ANKRD44: variants seen among roughly 807,000 people sequenced by gnomAD.
ANKRD44 encodes ankyrin repeat domain 44.
A neutral mutation model predicts 116.0 loss-of-function variants in ANKRD44; 35 were observed. That is an observed-to-expected ratio of 0.30 (90% confidence interval 0.23 to 0.40). The LOEUF is 0.40. ANKRD44 is among the 10% of genes least tolerant of loss of function. ANKRD44 has a pLI of 1.00. For synonymous variants in ANKRD44, 435 were observed against 461.8 expected (o/e 0.94, Z 0.74); for missense variants, 1,014 against 1,242.6 (o/e 0.82, Z 2.77).
intron 1 of ANKRD44, among the ~76,000 whole-genome samples, chr2:197,278,018 C>T (rs1019490744): frequency 1.6e-4 from 24 of 152,140 alleles, no homozygotes; most frequent in Admixed American, 1.4e-3. Context: ...CTAGTAACAG[C>T]GTAAAGCAGT....
chr2:196,989,947 A>G, intron 27 of ANKRD44: 1 of 1,065,562 alleles, frequency 9.4e-7, no homozygotes, highest in South Asian at 3.4e-5. Flanking sequence ...GTTTTGGTGC[A>G]ATATAATTTT....
intron 2 of ANKRD44, among the ~76,000 whole-genome samples, chr2:197,176,408 A>G (rs769007169): frequency 6.6e-6 from 1 of 152,162 alleles, no homozygotes; most frequent in South Asian, 2.1e-4. Flanking sequence ...TGATGCCCAC[A>G]TTATAGAACT....
chr2:197,204,998 C>T (rs1024667189), intron 1 of ANKRD44, among the ~76,000 whole-genome samples: 17 of 152,238 alleles, frequency 1.1e-4, no homozygotes, highest in African/African-American at 4.1e-4. Context: ...CAAAATGCAG[C>T]GAGCTGCCCA....
intron 1 of ANKRD44, among the ~76,000 whole-genome samples, chr2:197,305,072 T>C (rs1284109920): frequency 6.6e-6 from 1 of 152,194 alleles, no homozygotes; most frequent in Non-Finnish European, 1.5e-5. Context: ...TCATATTGAG[T>C]AGTATCACCT....
intron 18 of ANKRD44, among the ~76,000 whole-genome samples, chr2:197,009,361 G>A (rs1013771540): frequency 2.0e-5 from 3 of 151,866 alleles, no homozygotes; most frequent in Non-Finnish European, 4.4e-5. Context: ...CAAAGTGCTG[G>A]GATTACAGGC....
chr2:197,125,541 T>A, intron 5 of ANKRD44, 73 bp from the exon 6 acceptor site: 1 of 1,355,310 alleles, frequency 7.4e-7, no homozygotes, highest in Middle Eastern at 2.4e-4. Flanking sequence ...CTGCAGATGA[T>A]CTGAGCCAAA....
intron 1 of ANKRD44, among the ~76,000 whole-genome samples, chr2:197,280,798 G>A (rs1463173494): frequency 6.6e-6 from 1 of 152,118 alleles, no homozygotes; most frequent in Non-Finnish European, 1.5e-5. Context: ...AAAGTCACAT[G>A]TTACCACTCA....
rs2076121047 is a variant in ANKRD44 at position 197,001,831 on chromosome 2, T to C, written c.2357A>G (p.Asn786Ser). ...TTGCTCCAAAAGTACCTCTATACAG[T>C]TTTCATTACCTGCAAGAAATAAAAA... ...LHWACYNGNE[N>S]CIEVLLEQKC... is the part of the protein sequence containing the mutation. The change falls in exon 22 of 28, where the codon AAC becomes AGC. Residue 786 changes from asparagine (N) to serine (S), a missense_variant. Physicochemically the swap from Asn to Ser is conservative, Grantham distance 46. Coordinates refer to ENST00000282272, the MANE Select transcript of ANKRD44 (RefSeq NM_001195144.2). 2 of 1,610,294 alleles carry C rather than the reference T, an allele frequency of 1.2e-6. No homozygotes were observed. The highest frequency in any genetic ancestry group is 1.7e-6 in the Non-Finnish European group (2 of 1,178,206).
At chr2:197,029,910 TG>T in intron 16 of ANKRD44, 1 of 203,778 alleles carries the variant, frequency 4.9e-6, no homozygotes, top group South Asian at 8.2e-5. Flanking sequence ...CTGAGGCAGC[TG>T]GGGCAGAGCA....
At chr2:197,194,691 G>A (rs1387673280) in intron 1 of ANKRD44, among the ~76,000 whole-genome samples, 1 of 152,108 alleles carries the variant, frequency 6.6e-6, no homozygotes, top group Non-Finnish European at 1.5e-5. Context: ...CTCTCTATAC[G>A]TATGCATATA....
At chr2:197,217,604 A>G (rs1256727713) in intron 1 of ANKRD44, among the ~76,000 whole-genome samples, 1 of 152,192 alleles carries the variant, frequency 6.6e-6, no homozygotes, top group East Asian at 1.9e-4. Context: ...ACAACAGGAA[A>G]ATGTCTGGGC....
At chr2:197,298,476 T>C (rs377461004) in intron 1 of ANKRD44, among the ~76,000 whole-genome samples, 7 of 152,322 alleles carry the variant, frequency 4.6e-5, no homozygotes, top group African/African-American at 1.7e-4. Flanking sequence ...CATGTGCTTT[T>C]ATGGACAAAC....
intron 1 of ANKRD44, among the ~76,000 whole-genome samples, chr2:197,238,930 CCT>C (rs2082032910): frequency 6.6e-6 from 1 of 152,114 alleles, no homozygotes; most frequent in Admixed American, 6.5e-5. Flanking sequence ...GTCTTGAACT[CCT>C]GACCTCAGGT....
intron 1 of ANKRD44, among the ~76,000 whole-genome samples, chr2:197,277,581 G>A (rs1242027433): frequency 6.6e-6 from 1 of 152,110 alleles, no homozygotes; most frequent in South Asian, 2.1e-4. Flanking sequence ...CAGTCTTTCA[G>A]AATAATGAGG....
Position 197,122,739 on chromosome 2 carries a change from T to C in ANKRD44, c.604A>G (p.Lys202Glu), listed in dbSNP as rs780823873. Reference sequence around the variant, plus strand: ...AGAGGGGTATAACCCTTCTTATCCTTACAGGTCACTTCTGCGCCATGGTTA... The same window carrying C: ...AGAGGGGTATAACCCTTCTTATCCTCACAGGTCACTTCTGCGCCATGGTTA... ...LINHGAEVTCKDKKGYTPLHA... is the reference protein window; with the variant it reads ...LINHGAEVTCEDKKGYTPLHA... The change falls in exon 7 of 28, where the codon AAG (lysine) becomes GAG (glutamate). Residue 202 changes from lysine (K) to glutamate (E), a missense_variant. Physicochemically the swap from Lys to Glu is moderately conservative, Grantham distance 56 (BLOSUM62 1). Coordinates refer to ENST00000282272, the MANE Select transcript of ANKRD44 (RefSeq NM_001195144.2). The C allele has an allele frequency of 2.5e-6, 4 of 1,614,222 alleles. No individual in the cohort carries two copies. Among genetic ancestry groups the C allele is most frequent in the South Asian group, 2.2e-5 (2 of 91,086 alleles).
chr2:197,095,760 T>C (rs1032164168), intron 10 of ANKRD44, among the ~76,000 whole-genome samples: 4 of 152,142 alleles, frequency 2.6e-5, no homozygotes, highest in African/African-American at 7.2e-5. Context: ...GGAATAATCA[T>C]AGCACTTACC....
chr2:197,145,606 GT>G (rs1354646052), intron 3 of ANKRD44, among the ~76,000 whole-genome samples: 1 of 152,210 alleles, frequency 6.6e-6, no homozygotes, highest in Non-Finnish European at 1.5e-5. Context: ...TAAGCTCCAT[GT>G]GACCATCAGG....
At chr2:197,197,827 AAAAGAAAG>A (rs200814475) in intron 1 of ANKRD44, among the ~76,000 whole-genome samples, 1 of 45,158 alleles carries the variant, frequency 2.2e-5, no homozygotes, top group African/African-American at 3.7e-5. Context: ...AAAAAAAAAA[AAAAGAAAG>A]AAAGAAACAC....
intron 2 of ANKRD44, among the ~76,000 whole-genome samples, chr2:197,182,892 C>T (rs1172800801): frequency 2.0e-5 from 3 of 152,140 alleles, no homozygotes; most frequent in African/African-American, 4.8e-5. Flanking sequence ...GTACAAAGAG[C>T]TGTGGGAGTT....
Sources: allele counts gnomAD v4.1 joint callset (sites outside exome capture counted in the v4.1 genomes callset), GRCh38; gene constraint gnomAD v4.1.1; transcripts MANE v1.5; gene names NCBI Gene and HGNC (gene_info 2026-07-23, HGNC 2026-07-21).